The following YIPF4 variants were observed in gnomAD, a reference collection of about 807,000 sequenced individuals.
YIPF4 encodes protein YIPF4.
In YIPF4, 18 loss-of-function variants were observed where a neutral mutation model predicts 29.4. The observed-to-expected ratio is 0.61, with a 90% confidence interval of 0.42 to 0.91. The LOEUF (loss-of-function observed/expected upper bound fraction) is 0.91, where lower values mean the gene tolerates loss of function less well. Among genes scored for constraint, YIPF4 ranks in the 40% least tolerant of loss-of-function variants. The pLI, the probability that YIPF4 is intolerant of heterozygous loss-of-function variation, is 0.00. For missense variants in YIPF4, 279 were observed against 282.7 expected (o/e 0.99, Z 0.09); for synonymous variants, 115 against 104.7 (o/e 1.10, Z -0.60).
At position 32,278,111 on chromosome 2, in the gene YIPF4, C is replaced by T. The variant is rs1206326560; in HGVS notation, c.-45C>T. 6 of 1,527,618 alleles carry T rather than the reference C, an allele frequency of 3.9e-6. No individual in the cohort carries two copies. The highest frequency in any genetic ancestry group is 3.6e-5 in the South Asian group (3 of 82,708). 94.6% of individuals were successfully genotyped at this position (1,527,618 alleles called of 1,614,324 possible). Reference sequence around the variant, plus strand: ...CCGCGGCCGCCTCGGGGTCTGGGCCCAGCCGCAGCCTCTTCTACCGCGGCC... The same window carrying T: ...CCGCGGCCGCCTCGGGGTCTGGGCCTAGCCGCAGCCTCTTCTACCGCGGCC... On this transcript the variant is annotated 5_prime_UTR_variant, in exon 1 of 6. Transcript: ENST00000238831.
At chr2:32,296,881 C>T (rs542262437) in intron 3 of YIPF4, among the ~76,000 whole-genome samples, 1 of 152,272 alleles carries the variant, frequency 6.6e-6, no homozygotes, top group East Asian at 1.9e-4. Flanking sequence ...ATAATGTTTA[C>T]AGAATGATGA....
At chr2:32,294,230 C>T (rs1232352794) in intron 3 of YIPF4, among the ~76,000 whole-genome samples, 3 of 151,898 alleles carry the variant, frequency 2.0e-5, no homozygotes, top group African/African-American at 2.4e-5. Flanking sequence ...ACTTCCCAGA[C>T]GGGGTGGCTG....
At chr2:32,299,049 T>C (rs2031300307) in intron 4 of YIPF4, among the ~76,000 whole-genome samples, 1 of 152,036 alleles carries the variant, frequency 6.6e-6, no homozygotes, top group African/African-American at 2.4e-5. Context: ...AACTAATTTT[T>C]GTATTTTTAG....
rs2031759897 is a variant in YIPF4, at chr2:32,313,453, T to G, written c.*7827T>G. ...TGCAATCTCGGCTCACTGCAACCTC[T>G]GCCTCCCAGGTTCAAGTGATTCTCC... is the stretch of plus-strand genomic sequence containing the variant. On this transcript the variant is annotated 3_prime_UTR_variant, in exon 6 of 6. Transcript: ENST00000238831. 1 of 152,076 alleles carries G rather than the reference T, an allele frequency of 6.6e-6. No homozygotes were observed. The highest frequency in any genetic ancestry group is 1.5e-5 in the Non-Finnish European group (1 of 68,028). 9.4% of individuals were successfully genotyped at this position (152,076 alleles called of 1,614,324 possible).
rs142537037 is a variant in YIPF4, at chr2:32,290,463, T to C, written c.80-20T>C. 2.9e-3 allele frequency: 4,193 copies of C among 1,463,064 alleles called. 14 individuals are homozygous for C. Among genetic ancestry groups the C allele is most frequent in the Admixed American group, 4.2e-3 (177 of 42,308 alleles). The allele number at this position is 1,463,064 out of a possible 1,614,324, so 90.6% of individuals were successfully genotyped here. A position where few individuals can be genotyped will look rare whatever the true frequency, so the allele number is the denominator to read the frequency against. Reference sequence around the variant, plus strand: ...ATGTTGTGCCTTAGTTTATATAGTTTTATCCTCTTTTCTCCTAAGATCTCA... The same window carrying C: ...ATGTTGTGCCTTAGTTTATATAGTTCTATCCTCTTTTCTCCTAAGATCTCA... On this transcript the variant is annotated intron_variant, in intron 1 of 5. Transcript: ENST00000238831.
intron 1 of YIPF4, among the ~76,000 whole-genome samples, chr2:32,289,816 C>A (rs2030836119): frequency 6.6e-6 from 1 of 151,938 alleles, no homozygotes; most frequent in African/African-American, 2.4e-5. Flanking sequence ...GAAAACATAG[C>A]CTTTATTTAT....
At chr2:32,294,220 AC>A (rs1224254506) in intron 3 of YIPF4, among the ~76,000 whole-genome samples, 2 of 150,828 alleles carry the variant, frequency 1.3e-5, no homozygotes, top group Admixed American at 6.6e-5. Flanking sequence ...GACACTCCTC[AC>A]TTCCCAGACG....
chr2:32,298,635 A>G (rs747257569), intron 4 of YIPF4, among the ~76,000 whole-genome samples: 6 of 152,070 alleles, frequency 3.9e-5, no homozygotes, highest in Admixed American at 2.0e-4. Context: ...ATCTCGGCTC[A>G]TTGCAGCCTC....
chr2:32,299,785 C>G (rs752980871), intron 4 of YIPF4, among the ~76,000 whole-genome samples: 1 of 152,022 alleles, frequency 6.6e-6, no homozygotes, highest in Non-Finnish European at 1.5e-5. Context: ...GCACTGTAGC[C>G]TGGCCGACGG....
chr2:32,295,941 A>G (rs532366405), intron 3 of YIPF4, among the ~76,000 whole-genome samples: 1 of 152,296 alleles, frequency 6.6e-6, no homozygotes, highest in East Asian at 1.9e-4. Context: ...TACTACATTT[A>G]GGGCCCAGCA....
intron 4 of YIPF4, among the ~76,000 whole-genome samples, chr2:32,300,698 C>A (rs142782768): frequency 1.3e-4 from 20 of 152,006 alleles, no homozygotes; most frequent in Non-Finnish European, 2.9e-5. Flanking sequence ...TGTATCATTA[C>A]GTGTTTTGGT....
Position 32,308,904 on chromosome 2 carries a change from G to C in YIPF4, c.*3278G>C, listed in dbSNP as rs1240250679. 6.7e-6 allele frequency: 1 copy of C among 150,264 alleles called. No individual in the cohort carries two copies. The highest frequency in any genetic ancestry group is 1.5e-5 in the Non-Finnish European group (1 of 67,706). 9.3% of individuals were successfully genotyped at this position (150,264 alleles called of 1,614,324 possible). On this transcript the variant is annotated 3_prime_UTR_variant, in exon 6 of 6. Transcript: ENST00000238831. ...AAATTAGCCGGGCATGGTGGCGGGCGCCTGTAGTCCCAGCTACTTGGGAGG... is the reference window on the plus strand; with the variant it reads ...AAATTAGCCGGGCATGGTGGCGGGCCCCTGTAGTCCCAGCTACTTGGGAGG...
chr2:32,285,003 G>T (rs390480), intron 1 of YIPF4, among the ~76,000 whole-genome samples: 100,155 of 151,856 alleles, frequency 0.66, 33,745 homozygotes, highest in African/African-American at 0.75. Flanking sequence ...AAGAGTCTCC[G>T]GGGTACAGTG....
intron 5 of YIPF4, among the ~76,000 whole-genome samples, chr2:32,302,477 C>T (rs977975193): frequency 1.4e-4 from 22 of 152,134 alleles, no homozygotes. Flanking sequence ...AGTAACTTTC[C>T]TATCAAATAT....
intron 1 of YIPF4, among the ~76,000 whole-genome samples, chr2:32,287,908 T>C (rs1441323825): frequency 1.3e-5 from 2 of 152,222 alleles, no homozygotes; most frequent in African/African-American, 4.8e-5. Context: ...GAATATTTTA[T>C]ATATAGTATA....
rs532144858 is a variant in YIPF4 at position 32,315,548 on chromosome 2, G to A, written c.*9922G>A. The A allele has an allele frequency of 5.9e-5, 9 of 152,258 alleles. No homozygotes were observed. Among genetic ancestry groups the A allele is most frequent in the East Asian group, 1.9e-4 (1 of 5,140 alleles). The allele number at this position is 152,258 out of a possible 1,614,324, so 9.4% of individuals were successfully genotyped here. On this transcript the variant is annotated 3_prime_UTR_variant, in exon 6 of 6. Coordinates refer to ENST00000238831, the MANE Select transcript of YIPF4 (RefSeq NM_032312.4). Reference sequence around the variant, plus strand: ...GCGGATCCTGAGGTCAGGAGATCGAGACCATCCTGGTTAACGTGGTGAAAC... The same window carrying A: ...GCGGATCCTGAGGTCAGGAGATCGAAACCATCCTGGTTAACGTGGTGAAAC...
chr2:32,305,114 A>C (rs746653746), intron 5 of YIPF4, among the ~76,000 whole-genome samples: 1 of 152,172 alleles, frequency 6.6e-6, no homozygotes, highest in Non-Finnish European at 1.5e-5. Flanking sequence ...AAAGTTGCCT[A>C]ATCATAATCA....
At chr2:32,295,600 TTCAGTTTCCA>T (rs1189449575) in intron 3 of YIPF4, among the ~76,000 whole-genome samples, 3 of 152,140 alleles carry the variant, frequency 2.0e-5, no homozygotes. Flanking sequence ...TTAAATCTCC[TTCAGTTTCCA>T]TCTTTTTTTT....
At position 32,278,236 on chromosome 2, in the gene YIPF4, T is replaced by G; in HGVS notation, c.79+2T>G. ...TTGTCTCCTCAGCAGACGCGGAAGG[T>G]GAGGCTGAGCCCCTGGAAGGGCTAT... On this transcript the variant is annotated splice_donor_variant, in intron 1 of 5. Coordinates refer to ENST00000238831, the MANE Select transcript of YIPF4 (RefSeq NM_032312.4). LOFTEE classifies it high-confidence loss of function. 1 of 1,558,786 alleles carries G rather than the reference T, an allele frequency of 6.4e-7. No individual in the cohort carries two copies. Among genetic ancestry groups the G allele is most frequent in the Non-Finnish European group, 8.7e-7 (1 of 1,151,988 alleles).
Sources: gnomAD v4.1 joint callset for allele counts (sites outside exome capture counted in the v4.1 genomes callset) on GRCh38, gnomAD v4.1.1 for gene constraint, MANE v1.5 for transcripts, NCBI Gene and HGNC (gene_info 2026-07-23, HGNC 2026-07-21) for gene names.